The following ARID4B variants were observed in gnomAD, a reference collection of about 807,000 sequenced individuals.
ARID4B encodes the protein AT-rich interactive domain-containing protein 4B.
Under a neutral mutation model 147.5 loss-of-function variants are expected in ARID4B, and 26 were observed. That is an observed-to-expected ratio of 0.18 (90% confidence interval 0.13 to 0.24). ARID4B has a LOEUF of 0.24. Ranked by LOEUF, ARID4B falls within the 10% of genes least tolerant of loss-of-function variation. ARID4B has a pLI of 1.00. For synonymous variants in ARID4B, 512 were observed against 507.9 expected (o/e 1.01, Z -0.11); for missense variants, 1,179 against 1,511.5 (o/e 0.78, Z 3.65).
chr1:235,215,949 T>C (rs1009378288), intron 16 of ARID4B, among the ~76,000 whole-genome samples: 2 of 151,840 alleles, frequency 1.3e-5, no homozygotes, highest in Non-Finnish European at 2.9e-5. Flanking sequence ...CAGCTTTATA[T>C]CTCTATATGC....
At chr1:235,257,573 C>G (rs1670061933) in intron 3 of ARID4B, among the ~76,000 whole-genome samples, 1 of 151,874 alleles carries the variant, frequency 6.6e-6, no homozygotes, top group Admixed American at 6.6e-5. Flanking sequence ...ACCTCCACCT[C>G]AGGGTTCAAG....
chr1:235,299,557 G>A (rs192092001), intron 2 of ARID4B, among the ~76,000 whole-genome samples: 13 of 152,348 alleles, frequency 8.5e-5, no homozygotes, highest in Non-Finnish European at 1.5e-4. Context: ...TCAGAGTTCA[G>A]CCTAGTCAAA....
chr1:235,170,466 C>T (rs540890673), intron 23 of ARID4B, among the ~76,000 whole-genome samples: 5 of 152,230 alleles, frequency 3.3e-5, no homozygotes, highest in Non-Finnish European at 5.9e-5. Context: ...AGGCCGGGCA[C>T]GGTGGCTCAC....
At position 235,181,873 on chromosome 1, in the gene ARID4B, T is replaced by G. The variant is rs1334147674; in HGVS notation, c.3046A>C (p.Ser1016Arg). Residue 1016 changes from serine (S) to arginine (R), a missense_variant, in exon 20 of 24, where the codon AGT becomes CGT. Ser to Arg is a moderately radical substitution (Grantham distance 110). Around this residue, in one of 10 missense-constraint regions of ARID4B, gnomAD observed 357 missense variants for 427.3 expected, o/e 0.84. Coordinates refer to ENST00000264183, the MANE Select transcript of ARID4B (RefSeq NM_016374.6). ...GGAGGGGTATTTAGCACTGAATTAC[T>G]GCCACTACTTGGAAATTCTGCTTTT... Reference protein sequence around the residue: ...DRKAEFPSSGSNSVLNTPPTT... With the variant: ...DRKAEFPSSGRNSVLNTPPTT... 5.0e-6 allele frequency: 8 copies of G among 1,614,066 alleles called. No individual in the cohort carries two copies. The African/African-American group carries it at 9.3e-5, about 19-fold the overall frequency.
At chr1:235,192,752 T>C (rs909614925) in intron 19 of ARID4B, among the ~76,000 whole-genome samples, 1 of 152,192 alleles carries the variant, frequency 6.6e-6, no homozygotes. Context: ...CAATCCTCAT[T>C]GCTTTTATTA....
intron 2 of ARID4B, among the ~76,000 whole-genome samples, chr1:235,300,889 A>G (rs1408802540): frequency 5.9e-5 from 9 of 151,674 alleles, no homozygotes; most frequent in African/African-American, 2.4e-5. Context: ...TTGTGTGTGT[A>G]TATTTTTAGT....
At chr1:235,248,531 G>T (rs2103088046) in intron 6 of ARID4B, among the ~76,000 whole-genome samples, 1 of 152,182 alleles carries the variant, frequency 6.6e-6, no homozygotes, top group East Asian at 1.9e-4. Context: ...TTAAATGTAT[G>T]CTCTCCCCAC....
chr1:235,251,535 A>G (rs1257689459), intron 6 of ARID4B, among the ~76,000 whole-genome samples: 1 of 152,092 alleles, frequency 6.6e-6, no homozygotes, highest in Non-Finnish European at 1.5e-5. Context: ...AGAAGCAAAA[A>G]TTTTTCAAAA....
intron 6 of ARID4B, among the ~76,000 whole-genome samples, chr1:235,249,717 G>A (rs571329154): frequency 4.1e-4 from 62 of 151,774 alleles, no homozygotes; most frequent in African/African-American, 1.4e-3. Context: ...TGAGGCGGGC[G>A]TATCACGAGG....
At position 235,219,790 on chromosome 1, in the gene ARID4B, T is replaced by C. The variant is rs1033328649; in HGVS notation, c.1583+3A>G. 6.3e-7 allele frequency: 1 copy of C among 1,590,874 alleles called. No individual in the cohort carries two copies. The highest frequency in any genetic ancestry group is 8.5e-7 in the Non-Finnish European group (1 of 1,173,084). On this transcript the variant is annotated splice_donor_region_variant and intron_variant, in intron 16 of 23. Transcript: ENST00000264183. ...GCATCGTAACCAAAAACAATTTTCT[T>C]ACCCAGATTTTGCTTTTTCTTCCTC...
At chr1:235,310,053 G>C (rs1673937457) in intron 2 of ARID4B, among the ~76,000 whole-genome samples, 1 of 151,590 alleles carries the variant, frequency 6.6e-6, no homozygotes, top group African/African-American at 2.4e-5. Flanking sequence ...AAGGCCACAG[G>C]GTCCTCTGCC....
At chr1:235,305,473 T>C (rs886972817) in intron 2 of ARID4B, among the ~76,000 whole-genome samples, 3 of 152,156 alleles carry the variant, frequency 2.0e-5, no homozygotes, top group Non-Finnish European at 4.4e-5. Flanking sequence ...AAGATATATA[T>C]TAAAGAGGCA....
At chr1:235,237,986 A>G (rs888270642) in intron 8 of ARID4B, among the ~76,000 whole-genome samples, 8 of 152,026 alleles carry the variant, frequency 5.3e-5, no homozygotes, top group Admixed American at 5.2e-4. Flanking sequence ...CGCTGTCTCT[A>G]CTAAAAATAC....
At chr1:235,171,754 G>A (rs532622341) in intron 23 of ARID4B, among the ~76,000 whole-genome samples, 31 of 151,758 alleles carry the variant, frequency 2.0e-4, no homozygotes, top group Admixed American at 5.9e-4. Flanking sequence ...ATTCTCCTGC[G>A]TCGGCCTCCC....
intron 2 of ARID4B, among the ~76,000 whole-genome samples, chr1:235,280,280 C>A (rs2103175377): frequency 6.6e-6 from 1 of 152,228 alleles, no homozygotes. Context: ...TATCCAGTAA[C>A]CTTATTTGAA....
intron 2 of ARID4B, among the ~76,000 whole-genome samples, chr1:235,319,146 A>T (rs1343991129): frequency 2.0e-5 from 3 of 152,240 alleles, no homozygotes; most frequent in African/African-American, 7.2e-5. Context: ...AAAAGAAATT[A>T]ACAAAAAAGT....
intron 4 of ARID4B, 29 bp downstream of exon 4, chr1:235,257,131 T>A: frequency 2.0e-6 from 3 of 1,509,498 alleles, no homozygotes; most frequent in African/African-American, 1.4e-5. Flanking sequence ...CAAACAACCA[T>A]TAGAATTAAC....
Position 235,177,903 on chromosome 1 carries a change from A to T in ARID4B, c.3345T>A (p.Gly1115=). Residue 1115 remains glycine, a synonymous_variant, in exon 21 of 24, where the codon GGT becomes GGA. Transcript: ENST00000264183. ...CCTGAGCATCTTTCACTCTTTTCTGACCTGTACAGGCTATGAAGGGAAAGG... is the reference window on the plus strand; with the variant it reads ...CCTGAGCATCTTTCACTCTTTTCTGTCCTGTACAGGCTATGAAGGGAAAGG... ...EPEHPEKACT[G]QKRVKDAQGG... is the part of the protein sequence containing the mutation. 6.2e-7 allele frequency: 1 copy of T among 1,601,316 alleles called. No individual in the cohort carries two copies. Among genetic ancestry groups the T allele is most frequent in the Non-Finnish European group, 8.5e-7 (1 of 1,173,006 alleles).
chr1:235,319,468 G>A (rs1404677365), intron 2 of ARID4B, among the ~76,000 whole-genome samples: 2 of 152,250 alleles, frequency 1.3e-5, no homozygotes, highest in East Asian at 1.9e-4. Context: ...CTGTGATTGC[G>A]CCACTACACT....
Sources: gnomAD v4.1 joint callset for allele counts (sites outside exome capture counted in the v4.1 genomes callset) on GRCh38, gnomAD v4.1.1 for gene constraint, gnomAD v4.1.1 regional missense constraint, MANE v1.5 for transcripts, NCBI Gene and HGNC (gene_info 2026-07-23, HGNC 2026-07-21) for gene names.